TUSC2: variants seen among roughly 807,000 people sequenced by gnomAD.
The protein encoded by TUSC2 is tumor suppressor candidate 2.
TUSC2 carries 7 observed loss-of-function variants against 11.5 expected under a neutral mutation model. The observed-to-expected ratio is 0.61, with a 90% CI of 0.35 to 1.14. The LOEUF is 1.14. Ranked by LOEUF, TUSC2 falls within the 50% of genes most tolerant of loss-of-function variation. The pLI is 0.03. For synonymous variants in TUSC2, 61 were observed against 64.1 expected (o/e 0.95, Z 0.23); for missense variants, 132 against 155.0 (o/e 0.85, Z 0.79).
chr3:50,328,027 C>A lies in TUSC2; in HGVS notation c.73G>T (p.Ala25Ser). 1.3e-6 allele frequency: 2 copies of A among 1,510,792 alleles called. No individual in the cohort carries two copies. Among genetic ancestry groups the A allele is most frequent in the Non-Finnish European group, 1.8e-6 (2 of 1,130,414 alleles). 93.6% of individuals were successfully genotyped at this position (1,510,792 alleles called of 1,614,324 possible). Residue 25 changes from alanine to serine, a missense_variant, in exon 1 of 3, where the codon GCA becomes TCA. Coordinates refer to ENST00000232496, the MANE Select transcript of TUSC2 (RefSeq NM_007275.3). ...ACCAAAGCTTGCTCAGCTCCTGCTG[C>A]CTCTGAGCCGCCGCCTCCGGCCGCC... ...ASAAGGGGSE[A>S]AGAEQALVRP...
Position 50,328,220 on chromosome 3 carries a change from G to C in TUSC2, c.-121C>G, listed in dbSNP as rs932744058. On this transcript the variant is annotated 5_prime_UTR_variant, in exon 1 of 3. Coordinates refer to ENST00000232496, the MANE Select transcript of TUSC2 (RefSeq NM_007275.3). Reference sequence around the variant, plus strand: ...CGCCGCCGCCGCCTTCCGCAGGCTCGGCTGTCTCCACGGAAACCTCACTTC... The same window carrying C: ...CGCCGCCGCCGCCTTCCGCAGGCTCCGCTGTCTCCACGGAAACCTCACTTC... 70 of 1,196,250 alleles carry C rather than the reference G, an allele frequency of 5.9e-5. No individual in the cohort carries two copies. The highest frequency in any genetic ancestry group is 7.3e-5 in the Non-Finnish European group (68 of 928,560). The allele number at this position is 1,196,250 out of a possible 1,614,324, so 74.1% of individuals were successfully genotyped here.
At chr3:50,327,605 T>TG (rs1491197286) in intron 1 of TUSC2, among the ~76,000 whole-genome samples, 138 of 149,266 alleles carry the variant, frequency 9.2e-4, no homozygotes, top group African/African-American at 3.0e-3. Context: ...TTGGAATAAC[T>TG]GGGGGGGAAA....
At position 50,326,032 on chromosome 3, in the gene TUSC2, C is replaced by A. The variant is rs1346237625; in HGVS notation, c.*89G>T. 2.0e-6 allele frequency: 3 copies of A among 1,490,288 alleles called. No individual in the cohort carries two copies. The highest frequency in any genetic ancestry group is 2.4e-5 in the South Asian group (2 of 82,334). The allele number at this position is 1,490,288 out of a possible 1,614,324, so 92.3% of individuals were successfully genotyped here. ...AGTTTATTCAGGGTTGTGGCCCCAG[C>A]CTGGGCTCCTCAATGGAAGCCACAC... On this transcript the variant is annotated 3_prime_UTR_variant, in exon 3 of 3. Transcript: ENST00000232496.
At chr3:50,326,827 T>C (rs782799843) in intron 1 of TUSC2, among the ~76,000 whole-genome samples, 18 of 152,276 alleles carry the variant, frequency 1.2e-4, no homozygotes, top group Non-Finnish European at 2.2e-4. Flanking sequence ...CATGTTGCTC[T>C]GGCTGGTCTC....
chr3:50,325,994 T>C lies in TUSC2; in HGVS notation c.*127A>G. On this transcript the variant is annotated 3_prime_UTR_variant, in exon 3 of 3. Coordinates refer to ENST00000232496, the MANE Select transcript of TUSC2 (RefSeq NM_007275.3). This position sits in a 1 kb window ranked among gnomAD's most constrained non-coding sequence, Gnocchi z 5.1. Reference sequence around the variant, plus strand: ...GACCGACCCGCTCACAGCTGAAGGTTATGGGCCAACAGAGTTTATTCAGGG... The same window carrying C: ...GACCGACCCGCTCACAGCTGAAGGTCATGGGCCAACAGAGTTTATTCAGGG... 8.4e-7 allele frequency: 1 copy of C among 1,193,190 alleles called. No individual in the cohort carries two copies. Among genetic ancestry groups the C allele is most frequent in the Non-Finnish European group, 1.2e-6 (1 of 835,420 alleles). 73.9% of individuals were successfully genotyped at this position (1,193,190 alleles called of 1,614,324 possible).
At position 50,326,088 on chromosome 3, in the gene TUSC2, G is replaced by A. The variant is rs757861235; in HGVS notation, c.*33C>T. On this transcript the variant is annotated 3_prime_UTR_variant, in exon 3 of 3. Coordinates refer to ENST00000232496, the MANE Select transcript of TUSC2 (RefSeq NM_007275.3). ...TTGAGCCTGGGAGTTTCTTGCCGGG[G>A]CAGGGGGTGCTTCTGTCTGCCACCT... 4.2e-5 allele frequency: 66 copies of A among 1,560,412 alleles called. No individual in the cohort carries two copies. In the Admixed American group the frequency reaches 5.0e-4, roughly 12 times the overall value.
Position 50,328,003 on chromosome 3 carries a change from C to G in TUSC2, c.97G>C (p.Val33Leu), listed in dbSNP as rs782237543. The G allele has an allele frequency of 3.5e-5, 54 of 1,538,396 alleles. No individual in the cohort carries two copies. Among genetic ancestry groups the G allele is most frequent in the Middle Eastern group, 4.2e-4 (2 of 4,812 alleles). Residue 33 changes from valine to leucine, a missense_variant, in exon 1 of 3, where the codon GTG (valine) becomes CTG (leucine). Transcript: ENST00000232496. ...GGCACAGCTCGGCCCCGAGGCCGCACCAAAGCTTGCTCAGCTCCTGCTGCC... is the reference window on the plus strand; with the variant it reads ...GGCACAGCTCGGCCCCGAGGCCGCAGCAAAGCTTGCTCAGCTCCTGCTGCC... ...SEAAGAEQAL[V>L]RPRGRAVPPF...
Position 50,326,129 on chromosome 3 carries a change from C to T in TUSC2, c.325G>A (p.Glu109Lys). Residue 109 changes from glutamate to lysine, a missense_variant, in exon 3 of 3, where the codon GAG (glutamate) becomes AAG (lysine). Physicochemically the swap from Glu to Lys is moderately conservative, Grantham distance 56. This residue lies in a region of TUSC2 where 65 missense variants were observed against 94.0 expected (regional missense o/e 0.69). Coordinates refer to ENST00000232496, the MANE Select transcript of TUSC2 (RefSeq NM_007275.3). ...IHVDFPVILYEV is the reference protein window; with the variant it reads ...IHVDFPVILYKV ...TCTGCCACCTCCCAGGGTCACACCT[C>T]ATAGAGGATCACAGGGAAATCCACG... is the stretch of plus-strand genomic sequence containing the variant. The T allele has an allele frequency of 6.3e-7, 1 of 1,588,898 alleles. No individual in the cohort carries two copies. Among genetic ancestry groups the T allele is most frequent in the Non-Finnish European group, 8.6e-7 (1 of 1,167,648 alleles).
chr3:50,327,923 C>G, intron 1 of TUSC2, 31 bp downstream of exon 1: 1 of 1,418,978 alleles, frequency 7.0e-7, no homozygotes, highest in Non-Finnish European at 9.2e-7. Flanking sequence ...CCCGCCTGTT[C>G]CCCCCGCCAG....
Position 50,328,175 on chromosome 3 carries a change from C to A in TUSC2, c.-76G>T. Reference sequence around the variant, plus strand: ...CAGTCCGCACTACCATAACCTGCCCCAGCCGCTGATCGCAGGTGCCGCCGC... The same window carrying A: ...CAGTCCGCACTACCATAACCTGCCCAAGCCGCTGATCGCAGGTGCCGCCGC... On this transcript the variant is annotated 5_prime_UTR_variant, in exon 1 of 3. Coordinates refer to ENST00000232496, the MANE Select transcript of TUSC2 (RefSeq NM_007275.3). The A allele has an allele frequency of 2.3e-6, 3 of 1,288,994 alleles. No individual in the cohort carries two copies. The highest frequency in any genetic ancestry group is 3.0e-6 in the Non-Finnish European group (3 of 1,015,852). The allele number at this position is 1,288,994 out of a possible 1,614,324, so 79.8% of individuals were successfully genotyped here.
chr3:50,326,634 C>T (rs921614667), intron 1 of TUSC2, among the ~76,000 whole-genome samples, 157 bp from the exon 2 acceptor site: 17 of 151,732 alleles, frequency 1.1e-4, no homozygotes, highest in East Asian at 3.9e-4. Context: ...AAAAATTTTT[C>T]GAGACAGAAT....
chr3:50,326,812 T>G (rs1313782618), intron 1 of TUSC2, among the ~76,000 whole-genome samples: 7 of 152,054 alleles, frequency 4.6e-5, no homozygotes, highest in African/African-American at 7.2e-5. Context: ...GAGACGGGGT[T>G]TTGCCATGTT....
intron 1 of TUSC2, among the ~76,000 whole-genome samples, chr3:50,327,593 C>T (rs782383358): frequency 2.6e-5 from 4 of 152,146 alleles, no homozygotes; most frequent in African/African-American, 4.8e-5. Flanking sequence ...GTTATTATCC[C>T]CTTGGAATAA....
rs1436329611 is a variant in TUSC2 at position 50,325,936 on chromosome 3, CA to C, written c.*184del. 2.7e-6 allele frequency: 2 copies of C among 728,886 alleles called. No individual in the cohort carries two copies. Among genetic ancestry groups the C allele is most frequent in the Non-Finnish European group, 4.5e-6 (2 of 440,070 alleles). 45.2% of individuals were successfully genotyped at this position (728,886 alleles called of 1,614,324 possible). ...CACCACCCACCAACCACCTCTTGTC[CA>C]CACACAAACCAACACCCAACCAATA... is the stretch of plus-strand genomic sequence containing the variant. On this transcript the variant is annotated 3_prime_UTR_variant, in exon 3 of 3. Transcript: ENST00000232496. This position sits in a 1 kb window ranked among gnomAD's most constrained non-coding sequence, Gnocchi z 5.1.
In TUSC2 at chr3:50,328,183, G is replaced by A. The variant is rs988341877; in HGVS notation, c.-84C>T. On this transcript the variant is annotated 5_prime_UTR_variant, in exon 1 of 3. Transcript: ENST00000232496. ...ACTACCATAACCTGCCCCAGCCGCT[G>A]ATCGCAGGTGCCGCCGCCGCCGCCT... The A allele has an allele frequency of 7.8e-6, 10 of 1,282,928 alleles. No individual in the cohort carries two copies. The highest frequency in any genetic ancestry group is 2.2e-5 in the South Asian group (1 of 44,670). 79.5% of individuals were successfully genotyped at this position (1,282,928 alleles called of 1,614,324 possible).
intron 1 of TUSC2, among the ~76,000 whole-genome samples, chr3:50,326,730 G>C (rs373026906): frequency 6.6e-6 from 1 of 152,146 alleles, no homozygotes; most frequent in Non-Finnish European, 1.5e-5. Flanking sequence ...CAATTCTCCT[G>C]CCTCAGCCTC....
In TUSC2 at chr3:50,326,432, A is replaced by G. The variant is rs782724536; in HGVS notation, c.192T>C (p.Tyr64=). The G allele has an allele frequency of 6.2e-7, 1 of 1,613,754 alleles. No individual in the cohort carries two copies. Among genetic ancestry groups the G allele is most frequent in the African/African-American group, 1.3e-5 (1 of 74,792 alleles). The change falls in exon 2 of 3, where the codon TAT becomes TAC. Residue 64 remains tyrosine, a synonymous_variant. Coordinates refer to ENST00000232496, the MANE Select transcript of TUSC2 (RefSeq NM_007275.3). ...DEDGDLAHEF[Y]EETIVTKNGQ... ...CGTTCTTGGTGACGATTGTCTCCTC[A>G]TAGAACTCGTGAGCCAGATCCCCAT...
At chr3:50,327,361 C>T (rs1702802847) in intron 1 of TUSC2, 1 of 401,222 alleles carries the variant, frequency 2.5e-6, no homozygotes, top group African/African-American at 2.1e-5. Flanking sequence ...TCTCCAGGAG[C>T]CCACTAGAGC....
intron 1 of TUSC2, chr3:50,327,341 G>A (rs907549285): frequency 3.3e-5 from 14 of 424,980 alleles, no homozygotes; most frequent in Non-Finnish European, 6.2e-5. Flanking sequence ...TCTAGCACAG[G>A]GAGCGCCCAT....
Sources: gnomAD v4.1 joint callset for allele counts (sites outside exome capture counted in the v4.1 genomes callset) on GRCh38, gnomAD v4.1.1 for gene constraint, gnomAD v4.1.1 regional missense constraint, Gnocchi (gnomAD v3.1) non-coding constraint, MANE v1.5 for transcripts, NCBI Gene and HGNC (gene_info 2026-07-23, HGNC 2026-07-21) for gene names.